NCOR1: variants seen among roughly 807,000 people sequenced by gnomAD.
NCOR1 encodes the protein protein phosphatase 1, regulatory subunit 109.
Under a neutral mutation model 288.1 loss-of-function variants are expected in NCOR1, and 63 were observed. The ratio of observed to expected loss-of-function variants is 0.22; its 90% CI spans 0.18 to 0.27. The LOEUF is 0.27. Ranked by LOEUF, NCOR1 falls within the 10% of genes least tolerant of loss-of-function variation. The pLI is 1.00. For synonymous variants in NCOR1, 1,007 were observed against 1,065.9 expected, an observed-to-expected ratio of 0.94 and a Z score of 1.08; for missense variants, 2,397 against 3,019.2, an observed-to-expected ratio of 0.79 and a Z score of 4.83.
chr17:16,029,881 A>G lies in NCOR1; in HGVS notation c.*2415T>C, dbSNP rs954927564. The G allele has an allele frequency of 6.5e-6, 1 of 153,122 alleles. No homozygotes were observed. The highest frequency in any genetic ancestry group is 1.5e-5 in the Non-Finnish European group (1 of 68,572). 9.5% of individuals were successfully genotyped at this position (153,122 alleles called of 1,614,324 possible). On this transcript the variant is annotated 3_prime_UTR_variant, in exon 46 of 46. Coordinates refer to ENST00000268712, the MANE Select transcript of NCOR1 (RefSeq NM_006311.4). Reference sequence around the variant, plus strand: ...TGGAGGGAGTGGTTCACAGCACCTCACCTTCGGGTCCTCAGGTAGAACTGC... The same window carrying G: ...TGGAGGGAGTGGTTCACAGCACCTCGCCTTCGGGTCCTCAGGTAGAACTGC...
intron 11 of NCOR1, among the ~76,000 whole-genome samples, chr17:16,143,063 C>T (rs982375079): frequency 2.6e-5 from 4 of 152,188 alleles, no homozygotes; most frequent in African/African-American, 9.7e-5. Context: ...GACTATATCA[C>T]CTGCAGACAG....
In NCOR1 at chr17:16,202,500, G is replaced by A. The variant is rs527506493; in HGVS notation, c.-70-7861C>T. Among the ~76,000 whole-genome samples, 9 of 152,074 alleles carry A rather than the reference G, an allele frequency of 5.9e-5. No homozygotes were observed. The East Asian group carries it at 1.5e-3, about 26-fold the overall frequency. On this transcript the variant is annotated intron_variant, in intron 1 of 45. Coordinates refer to ENST00000268712, the MANE Select transcript of NCOR1 (RefSeq NM_006311.4). ...CACAAAAGAAGAACAAAGAAATTGA[G>A]ATAAGAACAATTTTAATGTAGATAT...
chr17:16,194,300 AAT>A (rs1229824780), intron 2 of NCOR1, among the ~76,000 whole-genome samples, 160 bp downstream of exon 2: 2 of 152,206 alleles, frequency 1.3e-5, no homozygotes, highest in Non-Finnish European at 2.9e-5. Flanking sequence ...AGACAGAAAT[AAT>A]TAATTCCCAA....
intron 14 of NCOR1, among the ~76,000 whole-genome samples, chr17:16,128,949 C>G (rs1052358198): frequency 6.6e-6 from 1 of 152,150 alleles, no homozygotes; most frequent in Non-Finnish European, 1.5e-5. Flanking sequence ...AAAAATAATT[C>G]CTTTTTCACG....
chr17:16,046,742 G>A (rs769498316), intron 42 of NCOR1: 29 of 491,800 alleles, frequency 5.9e-5, no homozygotes, highest in Admixed American at 3.6e-4. Flanking sequence ...AAGAGAAACG[G>A]CACAGCTTCA....
intron 3 of NCOR1, among the ~76,000 whole-genome samples, chr17:16,181,215 G>GTATGTATGTATGTA (rs1568520148): frequency 2.8e-4 from 30 of 106,066 alleles, no homozygotes; most frequent in African/African-American, 9.7e-4. Flanking sequence ...ATATGTATGT[G>GTATGTATGTATGTA]TGTGTGTGTG....
At chr17:16,147,545 C>T (rs2078182370) in intron 9 of NCOR1, among the ~76,000 whole-genome samples, 1 of 152,164 alleles carries the variant, frequency 6.6e-6, no homozygotes, top group Non-Finnish European at 1.5e-5. Flanking sequence ...GAACTGTCAA[C>T]ATATCTGATG....
intron 10 of NCOR1, among the ~76,000 whole-genome samples, chr17:16,145,395 G>A (rs377289134): frequency 1.6e-4 from 24 of 150,232 alleles, no homozygotes; most frequent in East Asian, 1.6e-3. Flanking sequence ...CTGCCTGGCC[G>A]CCCAGTCTGG....
At chr17:16,047,178 G>A in intron 41 of NCOR1, 85 bp from the exon 42 acceptor site, 1 of 1,404,332 alleles carries the variant, frequency 7.1e-7, no homozygotes, top group South Asian at 1.5e-5. Context: ...CAGTCAGAGA[G>A]TACTTAGAAA....
At position 16,129,162 on chromosome 17, in the gene NCOR1, G is replaced by A. The variant is rs113116618; in HGVS notation, c.1510-2956C>T. Among the ~76,000 whole-genome samples the A allele has an allele frequency of 5.9e-4, 89 of 152,112 alleles. 1 individual carries two copies. The highest frequency in any genetic ancestry group is 2.0e-3 in the African/African-American group (85 of 41,488). ...CATCTCACAGTTAAAATACTTTTAG[G>A]TCATGGCCATTAAACTCCCCACATG... On this transcript the variant is annotated intron_variant, in intron 14 of 45. Transcript: ENST00000268712.
chr17:16,207,266 C>A (rs2153604786), intron 1 of NCOR1, among the ~76,000 whole-genome samples: 1 of 152,264 alleles, frequency 6.6e-6, no homozygotes. Flanking sequence ...TTACATAAAT[C>A]TCTATGTTAT....
chr17:16,031,831 T>C lies in NCOR1; in HGVS notation c.*465A>G. The C allele has an allele frequency of 4.3e-6, 1 of 232,510 alleles. No individual in the cohort carries two copies. Among genetic ancestry groups the C allele is most frequent in the East Asian group, 6.1e-5 (1 of 16,330 alleles). The allele number at this position is 232,510 out of a possible 1,614,324, so 14.4% of individuals were successfully genotyped here. A position where few individuals can be genotyped will look rare whatever the true frequency, so the allele number is the denominator to read the frequency against. On this transcript the variant is annotated 3_prime_UTR_variant, in exon 46 of 46. Transcript: ENST00000268712. ...TATGTAACTGGGCTGTATGAGGTTG[T>C]TTAGAAGGCTAGGGTTAAAAAGATA...
At chr17:16,058,865 G>T (rs1478198468) in intron 37 of NCOR1, among the ~76,000 whole-genome samples, 2 of 151,606 alleles carry the variant, frequency 1.3e-5, no homozygotes, top group East Asian at 3.9e-4. Flanking sequence ...TGACCAACGT[G>T]GAGAAACCCT....
chr17:16,078,553 A>G (rs2062888074), intron 26 of NCOR1, among the ~76,000 whole-genome samples: 1 of 151,214 alleles, frequency 6.6e-6, no homozygotes, highest in African/African-American at 2.4e-5. Flanking sequence ...TTAAAACAGA[A>G]ACACACTGAC....
intron 19 of NCOR1, among the ~76,000 whole-genome samples, chr17:16,105,838 G>T (rs913926583): frequency 2.6e-5 from 4 of 152,186 alleles, no homozygotes; most frequent in Admixed American, 2.6e-4. Flanking sequence ...GGTGGCTCAT[G>T]CCTGTAATCC....
chr17:16,123,872 A>T (rs2073491795), intron 15 of NCOR1, among the ~76,000 whole-genome samples: 2 of 152,148 alleles, frequency 1.3e-5, no homozygotes, highest in African/African-American at 4.8e-5. Flanking sequence ...TCCCCTACTA[A>T]ATCATGAACT....
chr17:16,165,216 T>C (rs2081796893), intron 4 of NCOR1, 55 bp from the exon 5 acceptor site: 12 of 1,456,804 alleles, frequency 8.2e-6, no homozygotes, highest in Middle Eastern at 2.5e-4. Flanking sequence ...AGAGTCCAGA[T>C]TGCCTTAAAT....
intron 6 of NCOR1, among the ~76,000 whole-genome samples, chr17:16,156,402 C>T (rs2079791307): frequency 6.7e-6 from 1 of 148,636 alleles, no homozygotes; most frequent in Admixed American, 6.8e-5. Context: ...CGCCACAGCA[C>T]TCCAACCTCG....
intron 1 of NCOR1, among the ~76,000 whole-genome samples, chr17:16,210,380 G>A (rs2092004730): frequency 6.6e-6 from 1 of 152,124 alleles, no homozygotes; most frequent in South Asian, 2.1e-4. Flanking sequence ...GTGAAACGCT[G>A]CCTCAAAAAT....
Sources: gnomAD v4.1 joint callset for allele counts (sites outside exome capture counted in the v4.1 genomes callset) on GRCh38, gnomAD v4.1.1 for gene constraint, MANE v1.5 for transcripts, NCBI Gene and HGNC (gene_info 2026-07-23, HGNC 2026-07-21) for gene names.